Variants in PDZD2 observed in about 807,000 individuals in gnomAD.
PDZD2 encodes the protein PDZ domain containing 2, also known as PDZ domain-containing protein 2.
PDZD2 carries 90 observed loss-of-function variants against 220.7 expected under a neutral mutation model. That is an observed-to-expected ratio of 0.41 (90% CI 0.34 to 0.49). PDZD2 has a LOEUF of 0.49. Ranked by LOEUF, PDZD2 falls within the 20% of genes least tolerant of loss-of-function variation. The pLI is 0.28. For synonymous variants in PDZD2, 1,375 were observed against 1,450.5 expected, an observed-to-expected ratio of 0.95 and a Z score of 1.18; for missense variants, 3,174 against 3,608.5, an observed-to-expected ratio of 0.88 and a Z score of 3.08.
At chr5:32,017,719 C>A (rs1457356229) in intron 6 of PDZD2, among the ~76,000 whole-genome samples, 1 of 152,162 alleles carries the variant, frequency 6.6e-6, no homozygotes, top group Admixed American at 6.5e-5. Context: ...AACCTGCAAG[C>A]AGCTACAGGG....
chr5:31,814,441 AC>A (rs1755305618), intron 2 of PDZD2, among the ~76,000 whole-genome samples: 1 of 152,234 alleles, frequency 6.6e-6, no homozygotes, highest in Non-Finnish European at 1.5e-5. Flanking sequence ...ACAAGCAGAC[AC>A]CAATCAACTT....
chr5:31,870,107 C>G (rs1738646139), intron 2 of PDZD2, among the ~76,000 whole-genome samples: 1 of 152,150 alleles, frequency 6.6e-6, no homozygotes, highest in Non-Finnish European at 1.5e-5. Context: ...TTCTTGGGAC[C>G]CAACACTTTG....
chr5:31,926,054 C>T (rs1330859578), intron 2 of PDZD2, among the ~76,000 whole-genome samples: 4 of 151,816 alleles, frequency 2.6e-5, no homozygotes, highest in Admixed American at 1.3e-4. Context: ...GACCCTGTCT[C>T]GACAGAAAGT....
At chr5:31,694,006 C>T (rs990717107) in intron 1 of PDZD2, among the ~76,000 whole-genome samples, 6 of 152,144 alleles carry the variant, frequency 3.9e-5, no homozygotes, top group African/African-American at 1.4e-4. Context: ...GTCATAACTG[C>T]CCAGGATTGA....
intron 1 of PDZD2, among the ~76,000 whole-genome samples, chr5:31,654,984 C>T (rs1425462637): frequency 6.6e-6 from 1 of 152,090 alleles, no homozygotes; most frequent in African/African-American, 2.4e-5. Context: ...GTCCCAGGGC[C>T]ATTGCACCTG....
intron 21 of PDZD2, among the ~76,000 whole-genome samples, chr5:32,096,853 T>TTTTTTTA (rs1743758807): frequency 6.7e-6 from 1 of 149,422 alleles, no homozygotes; most frequent in Admixed American, 6.7e-5. Context: ...TTTTTTTTTT[T>TTTTTTTA]GAGACAAGGT....
chr5:31,881,368 G>GTGTGTGTA (rs1554088494), intron 2 of PDZD2, among the ~76,000 whole-genome samples: 2 of 83,444 alleles, frequency 2.4e-5, no homozygotes, highest in Non-Finnish European at 5.3e-5. Context: ...GTGTGTGTGT[G>GTGTGTGTA]TATATATTTT....
In PDZD2 at chr5:31,799,239, A is replaced by T. The variant is rs370773045; in HGVS notation, c.-10A>T. ...ACCTCTGATGATGCTGGTGTCTGGG[A>T]GTGAGCACCATGCCCATCACCCAGG... On this transcript the variant is annotated 5_prime_UTR_variant, in exon 2 of 25. Coordinates refer to ENST00000438447, the MANE Select transcript of PDZD2 (RefSeq NM_178140.4). 8.5e-5 allele frequency: 133 copies of T among 1,560,820 alleles called. No individual in the cohort carries two copies. The highest frequency in any genetic ancestry group is 1.1e-4 in the Non-Finnish European group (128 of 1,144,234).
chr5:31,904,444 C>T (rs1404516011), intron 2 of PDZD2, among the ~76,000 whole-genome samples: 1 of 152,126 alleles, frequency 6.6e-6, no homozygotes, highest in Non-Finnish European at 1.5e-5. Context: ...CCTGAGAAAA[C>T]AATTAATATT....
intron 1 of PDZD2, among the ~76,000 whole-genome samples, chr5:31,706,508 G>A (rs1747828954): frequency 6.6e-6 from 1 of 152,064 alleles, no homozygotes; most frequent in Non-Finnish European, 1.5e-5. Context: ...GGGGCCAGGA[G>A]CACGGTGAGC....
At chr5:31,640,047 CG>C (rs1268380853) in intron 1 of PDZD2, among the ~76,000 whole-genome samples, 1 of 152,126 alleles carries the variant, frequency 6.6e-6, no homozygotes, top group Non-Finnish European at 1.5e-5. Flanking sequence ...TCTCTGAAGT[CG>C]AGTTTCTCCT....
intron 1 of PDZD2, among the ~76,000 whole-genome samples, chr5:31,745,809 A>AT (rs59613880): frequency 0.39 from 55,842 of 142,850 alleles, 11,477 homozygotes; most frequent in Non-Finnish European, 0.46. Flanking sequence ...CATGTAAATG[A>AT]TTTTTTTTTT....
At chr5:31,833,078 A>T (rs1347493846) in intron 2 of PDZD2, among the ~76,000 whole-genome samples, 1 of 152,146 alleles carries the variant, frequency 6.6e-6, no homozygotes, top group Non-Finnish European at 1.5e-5. Flanking sequence ...ATTAATAAGA[A>T]AGTACTTAGC....
intron 2 of PDZD2, among the ~76,000 whole-genome samples, chr5:31,946,620 C>G (rs569672336): frequency 6.6e-6 from 1 of 152,152 alleles, no homozygotes; most frequent in African/African-American, 2.4e-5. Flanking sequence ...AAATCTTTAC[C>G]GAACAACTGT....
intron 3 of PDZD2, among the ~76,000 whole-genome samples, chr5:31,992,380 C>A (rs1751287715): frequency 6.6e-6 from 1 of 151,994 alleles, no homozygotes; most frequent in South Asian, 2.1e-4. Flanking sequence ...TGGGGGCAGG[C>A]AAGTGGAGTG....
Position 32,087,548 on chromosome 5 carries a change from T to C in PDZD2, c.4100T>C (p.Ile1367Thr). 6.2e-7 allele frequency: 1 copy of C among 1,613,740 alleles called. No homozygotes were observed. Among genetic ancestry groups the C allele is most frequent in the South Asian group, 1.1e-5 (1 of 91,014 alleles). Reference sequence around the variant, plus strand: ...AGTAAGGCTCTGGAAATGACAGGAATCCATGCACCTGAAAGCTCCCAGGAG... The same window carrying C: ...AGTAAGGCTCTGGAAATGACAGGAACCCATGCACCTGAAAGCTCCCAGGAG... ...NHSKALEMTG[I>T]HAPESSQEPS... The change falls in exon 20 of 25, where the codon ATC (isoleucine) becomes ACC (threonine). Residue 1367 changes from isoleucine (I) to threonine (T), a missense_variant. Physicochemically the swap from Ile to Thr is moderately conservative, Grantham distance 89 (BLOSUM62 -1). This residue lies in a region of PDZD2 where 1,861 missense variants were observed against 2,001.0 expected (regional missense o/e 0.93). Coordinates refer to ENST00000438447, the MANE Select transcript of PDZD2 (RefSeq NM_178140.4). This position sits in a 1 kb window ranked among gnomAD's most constrained non-coding sequence, Gnocchi z 4.0.
chr5:31,816,958 C>T (rs1305077201), intron 2 of PDZD2, among the ~76,000 whole-genome samples: 2 of 151,984 alleles, frequency 1.3e-5, no homozygotes, highest in Non-Finnish European at 2.9e-5. Flanking sequence ...CCGAGGCAGA[C>T]GGATCACGAG....
At chr5:32,075,705 A>C (rs1475184771) in intron 18 of PDZD2, among the ~76,000 whole-genome samples, 2 of 152,242 alleles carry the variant, frequency 1.3e-5, no homozygotes, top group South Asian at 4.1e-4. Flanking sequence ...TCTCCTTAAC[A>C]TAAATAACTT....
In PDZD2 at chr5:32,000,736, C is replaced by G. The variant is rs990320669; in HGVS notation, c.1254+465C>G. On this transcript the variant is annotated intron_variant, in intron 5 of 24. Coordinates refer to ENST00000438447, the MANE Select transcript of PDZD2 (RefSeq NM_178140.4). The surrounding 1 kb of genome is among the most constrained non-coding windows in gnomAD (Gnocchi z 4.5). Reference sequence around the variant, plus strand: ...TGTTGGTCAGGCTGGTCTCAAACTCCTGACCTCAGGTGATGCACCTGCCTC... The same window carrying G: ...TGTTGGTCAGGCTGGTCTCAAACTCGTGACCTCAGGTGATGCACCTGCCTC... Among the ~76,000 whole-genome samples the G allele has an allele frequency of 2.0e-5, 3 of 152,188 alleles. No homozygotes were observed. The highest frequency in any genetic ancestry group is 4.4e-5 in the Non-Finnish European group (3 of 68,032).
Sources: allele counts gnomAD v4.1 joint callset (sites outside exome capture counted in the v4.1 genomes callset), GRCh38; gene constraint gnomAD v4.1.1; regional missense constraint gnomAD v4.1.1; non-coding constraint Gnocchi (gnomAD v3.1); transcripts MANE v1.5; gene names NCBI Gene and HGNC (gene_info 2026-07-23, HGNC 2026-07-21).